The following IMPG1 variants were observed in gnomAD, a reference collection of about 807,000 sequenced individuals.
IMPG1 encodes interphotoreceptor matrix proteoglycan of 150 kDa.
A neutral mutation model predicts 92.0 loss-of-function variants in IMPG1; 85 were observed. The observed-to-expected ratio is 0.92, with a 90% CI of 0.78 to 1.11. The LOEUF (loss-of-function observed/expected upper bound fraction) is 1.11, where lower values mean the gene tolerates loss of function less well. IMPG1 is among the 50% of genes least tolerant of loss of function. The pLI is 0.00. For missense variants in IMPG1, 1,022 were observed against 956.0 expected (o/e 1.07, Z -0.91); for synonymous variants, 367 against 334.1 (o/e 1.10, Z -1.08).
intron 6 of IMPG1, among the ~76,000 whole-genome samples, chr6:76,019,967 A>G (rs934828180): frequency 4.6e-5 from 7 of 152,166 alleles, no homozygotes; most frequent in Admixed American, 2.0e-4. Context: ...TATATACTGA[A>G]TTATGGTCAA....
At chr6:75,969,115 A>G (rs1173985576) in intron 12 of IMPG1, among the ~76,000 whole-genome samples, 1 of 152,162 alleles carries the variant, frequency 6.6e-6, no homozygotes. Context: ...AAACTCATAC[A>G]AGTAGATAGT....
intron 1 of IMPG1, among the ~76,000 whole-genome samples, chr6:76,053,424 A>G (rs1429843342): frequency 1.3e-5 from 2 of 152,178 alleles, no homozygotes; most frequent in Non-Finnish European, 2.9e-5. Context: ...AACAAGTAAC[A>G]AGAATTCAGA....
intron 1 of IMPG1, among the ~76,000 whole-genome samples, chr6:76,049,000 A>G (rs943983397): frequency 2.0e-5 from 3 of 152,250 alleles, no homozygotes; most frequent in African/African-American, 7.2e-5. Context: ...CTTATATACC[A>G]TGGACTACTA....
intron 10 of IMPG1, among the ~76,000 whole-genome samples, chr6:76,004,481 T>A (rs1465622715): frequency 6.6e-6 from 1 of 152,182 alleles, no homozygotes; most frequent in Non-Finnish European, 1.5e-5. Context: ...TCAAGAGACC[T>A]TTATGAAGTT....
rs183878679 is a variant in IMPG1, at chr6:75,965,884, G to A, written c.1292-14790C>T. 9.0e-4 allele frequency among the ~76,000 whole-genome samples: 137 copies of A among 152,258 alleles called. 1 individual carries two copies. The East Asian group carries it at 0.024, about 27-fold the overall frequency. On this transcript the variant is annotated intron_variant, in intron 12 of 16. Coordinates refer to ENST00000369950, the MANE Select transcript of IMPG1 (RefSeq NM_001563.4). Reference sequence around the variant, plus strand: ...GGCCTCCCAAAGTGCTAGGATTACAGGCATGAGCCACCACGCCCAGCCACA... The same window carrying A: ...GGCCTCCCAAAGTGCTAGGATTACAAGCATGAGCCACCACGCCCAGCCACA...
chr6:75,983,394 T>C (rs1782660962), intron 12 of IMPG1, among the ~76,000 whole-genome samples: 2 of 152,012 alleles, frequency 1.3e-5, no homozygotes, highest in Admixed American at 1.3e-4. Context: ...ACCAGTGGAA[T>C]AGAATAGAGA....
chr6:76,065,944 T>A (rs930900468), intron 1 of IMPG1, among the ~76,000 whole-genome samples: 1 of 152,124 alleles, frequency 6.6e-6, no homozygotes, highest in Non-Finnish European at 1.5e-5. Context: ...AAAGAAAAAC[T>A]GTCAACAATA....
At chr6:76,058,899 T>C (rs572007849) in intron 1 of IMPG1, among the ~76,000 whole-genome samples, 1 of 152,220 alleles carries the variant, frequency 6.6e-6, no homozygotes, top group African/African-American at 2.4e-5. Flanking sequence ...ACAAAGCCAA[T>C]GGGACAGAGG....
At chr6:76,010,261 G>C (rs1009689384) in intron 8 of IMPG1, among the ~76,000 whole-genome samples, 1 of 152,144 alleles carries the variant, frequency 6.6e-6, no homozygotes, top group East Asian at 1.9e-4. Context: ...AAACACTTCT[G>C]GGGGAGCCCA....
At position 76,055,680 on chromosome 6, in the gene IMPG1, G is replaced by A. The variant is rs945523629; in HGVS notation, c.68-13554C>T. Reference sequence around the variant, plus strand: ...CAGATGAGATTGATCCAATAAAGAAGACAAAATTAACTAATATCAGAATTG... The same window carrying A: ...CAGATGAGATTGATCCAATAAAGAAAACAAAATTAACTAATATCAGAATTG... On this transcript the variant is annotated intron_variant, in intron 1 of 16. Transcript: ENST00000369950. Among the ~76,000 whole-genome samples, 5 of 151,920 alleles carry A rather than the reference G, an allele frequency of 3.3e-5. No homozygotes were observed. In the South Asian group the frequency reaches 1.0e-3, roughly 32 times the overall value.
intron 4 of IMPG1, among the ~76,000 whole-genome samples, chr6:76,032,520 T>C (rs192930095): frequency 6.6e-6 from 1 of 152,202 alleles, no homozygotes; most frequent in Non-Finnish European, 1.5e-5. Context: ...TTTTGCTCAG[T>C]TCTGTATAGT....
At chr6:76,067,236 A>G (rs1387358849) in intron 1 of IMPG1, among the ~76,000 whole-genome samples, 1 of 152,122 alleles carries the variant, frequency 6.6e-6, no homozygotes, top group African/African-American at 2.4e-5. Flanking sequence ...AAAAAGCATC[A>G]ATGAAATGAA....
At chr6:76,028,729 C>T (rs1431610191) in intron 4 of IMPG1, among the ~76,000 whole-genome samples, 1 of 152,004 alleles carries the variant, frequency 6.6e-6, no homozygotes, top group Non-Finnish European at 1.5e-5. Context: ...ACTCAGGAGG[C>T]TGAGGCTTGA....
chr6:76,013,618 G>A (rs1387390740), intron 7 of IMPG1, among the ~76,000 whole-genome samples: 1 of 151,918 alleles, frequency 6.6e-6, no homozygotes, highest in Non-Finnish European at 1.5e-5. Flanking sequence ...TTCCCTCACC[G>A]AGATCATGCT....
intron 1 of IMPG1, among the ~76,000 whole-genome samples, chr6:76,057,585 G>C (rs1784141269): frequency 6.6e-6 from 1 of 152,094 alleles, no homozygotes; most frequent in African/African-American, 2.4e-5. Context: ...AGTCTTCTGT[G>C]GGTTTTGTCC....
In IMPG1 at chr6:75,945,239, CTAA is replaced by C. The variant is rs1390337241; in HGVS notation, c.2044+2072_2044+2074del. On this transcript the variant is annotated intron_variant, in intron 14 of 16. Coordinates refer to ENST00000369950, the MANE Select transcript of IMPG1 (RefSeq NM_001563.4). ...TATGACAATGTTGCAATAGTAACTA[CTAA>C]TGTTTATTAAGTAACTAGAATTTGT... Among the ~76,000 whole-genome samples, 13 of 152,022 alleles carry C rather than the reference CTAA, an allele frequency of 8.6e-5. No homozygotes were observed. In the East Asian group the frequency reaches 2.3e-3, roughly 27 times the overall value.
At chr6:75,925,633 C>T (rs1781536797) in intron 15 of IMPG1, among the ~76,000 whole-genome samples, 1 of 151,726 alleles carries the variant, frequency 6.6e-6, no homozygotes, top group Admixed American at 6.6e-5. Flanking sequence ...TCGAGACCAG[C>T]CTGGGCAACA....
At chr6:76,041,146 T>C (rs1213447436) in intron 2 of IMPG1, among the ~76,000 whole-genome samples, 1 of 152,216 alleles carries the variant, frequency 6.6e-6, no homozygotes, top group Non-Finnish European at 1.5e-5. Flanking sequence ...TTTGTTTTTT[T>C]TTCTTTTAAA....
intron 1 of IMPG1, among the ~76,000 whole-genome samples, chr6:76,056,627 G>A (rs373090689): frequency 4.6e-5 from 7 of 152,178 alleles, no homozygotes; most frequent in South Asian, 2.1e-4. Flanking sequence ...CAAAATAGCC[G>A]TAGTAATTTA....
Sources: gnomAD v4.1 joint callset for allele counts (sites outside exome capture counted in the v4.1 genomes callset) on GRCh38, gnomAD v4.1.1 for gene constraint, MANE v1.5 for transcripts, NCBI Gene and HGNC (gene_info 2026-07-23, HGNC 2026-07-21) for gene names.